Variants in KALRN observed in about 807,000 individuals in gnomAD.
KALRN encodes the protein kalirin RhoGEF kinase, also known as kalirin.
Under a neutral mutation model 353.7 loss-of-function variants are expected in KALRN, and 70 were observed. That is an observed-to-expected ratio of 0.20 (90% CI 0.16 to 0.24). KALRN has a LOEUF of 0.24. Among genes scored for constraint, KALRN ranks in the 10% least tolerant of loss-of-function variants. The pLI, the probability that KALRN is intolerant of heterozygous loss-of-function variation, is 1.00. For missense variants in KALRN, 2,791 were observed against 3,756.7 expected (o/e 0.74, Z 6.72); for synonymous variants, 1,391 against 1,434.8 (o/e 0.97, Z 0.69).
intron 1 of KALRN, among the ~76,000 whole-genome samples, chr3:124,214,670 C>G (rs546588985): frequency 1.3e-5 from 2 of 152,134 alleles, no homozygotes; most frequent in Non-Finnish European, 2.9e-5. Context: ...TCTAAGCAAC[C>G]TGGGGACATT....
chr3:124,693,016 TC>T (rs2061892416), intron 51 of KALRN, among the ~76,000 whole-genome samples: 1 of 152,200 alleles, frequency 6.6e-6, no homozygotes, highest in African/African-American at 2.4e-5. Flanking sequence ...CTCCAGGGTG[TC>T]CTGAGGCAGG....
intron 51 of KALRN, among the ~76,000 whole-genome samples, chr3:124,681,539 G>A (rs2150483170): frequency 6.6e-6 from 1 of 152,160 alleles, no homozygotes; most frequent in African/African-American, 2.4e-5. Flanking sequence ...ACCTCAAGGA[G>A]GCATGTTGTT....
chr3:124,186,888 G>A (rs746540840), intron 1 of KALRN, among the ~76,000 whole-genome samples: 1 of 152,118 alleles, frequency 6.6e-6, no homozygotes, highest in African/African-American at 2.4e-5. Flanking sequence ...CAGGGGTGAT[G>A]GGACACTTGT....
chr3:124,140,307 T>G (rs1186686210), intron 1 of KALRN, among the ~76,000 whole-genome samples: 2 of 152,228 alleles, frequency 1.3e-5, no homozygotes, highest in Non-Finnish European at 2.9e-5. Context: ...CAGGAGAATG[T>G]GTAGTTTAAA....
rs553090469 is a variant in KALRN, at chr3:124,621,399, TA to T, written c.5183-11018del. On this transcript the variant is annotated intron_variant, in intron 34 of 59. Coordinates refer to ENST00000682506, the MANE Select transcript of KALRN (RefSeq NM_001388419.1). ...GGTAAGGTAAAGGATGTTGAGTTGG[TA>T]AAGGATGCATTGGAAAAGAGACTCC... 5.3e-5 allele frequency among the ~76,000 whole-genome samples: 8 copies of T among 152,264 alleles called. No individual in the cohort carries two copies. The East Asian group carries it at 1.5e-3, about 29-fold the overall frequency.
intron 14 of KALRN, among the ~76,000 whole-genome samples, chr3:124,417,701 A>G (rs1051129868): frequency 6.6e-6 from 1 of 152,210 alleles, no homozygotes; most frequent in Admixed American, 6.5e-5. Flanking sequence ...TCCCGGCCAC[A>G]TGTCTTAGGA....
chr3:124,216,589 C>G (rs1201131197), intron 1 of KALRN, among the ~76,000 whole-genome samples: 2 of 152,192 alleles, frequency 1.3e-5, no homozygotes, highest in African/African-American at 4.8e-5. Context: ...AAAAGTATAA[C>G]TTAGTCTGTC....
chr3:124,101,454 G>A (rs1406014190), intron 1 of KALRN, among the ~76,000 whole-genome samples: 1 of 152,140 alleles, frequency 6.6e-6, no homozygotes, highest in Non-Finnish European at 1.5e-5. Flanking sequence ...AGGCTTCATG[G>A]TGTTGGGCTC....
chr3:124,060,125 C>T (rs1400562587), intron 1 of KALRN, among the ~76,000 whole-genome samples: 2 of 152,138 alleles, frequency 1.3e-5, no homozygotes, highest in East Asian at 1.9e-4. Context: ...CCACTGGCTT[C>T]GCTGACCATT....
At chr3:124,443,461 A>C (rs958842395) in intron 19 of KALRN, among the ~76,000 whole-genome samples, 5 of 152,218 alleles carry the variant, frequency 3.3e-5, no homozygotes, top group African/African-American at 1.2e-4. Flanking sequence ...AGACCACTGG[A>C]AAGAATGGAA....
intron 34 of KALRN, among the ~76,000 whole-genome samples, chr3:124,564,483 C>G (rs2072535568): frequency 3.3e-5 from 5 of 151,822 alleles, no homozygotes; most frequent in Admixed American, 1.3e-4. Flanking sequence ...TGAGACCAGA[C>G]TGGGCAACAT....
rs1354462535 is a variant in KALRN, at chr3:124,368,072, C to CAT, written c.1771-16773_1771-16772insAT. On this transcript the variant is annotated intron_variant, in intron 10 of 59. Coordinates refer to ENST00000682506, the MANE Select transcript of KALRN (RefSeq NM_001388419.1). ...CCCCCCACCTCCCTCCCGGACGGGGCGGCTGGCCAGGCGGGGGGCTGACCC... is the reference window on the plus strand; with the variant it reads ...CCCCCCACCTCCCTCCCGGACGGGGCATGGCTGGCCAGGCGGGGGGCTGACCC... Among the ~76,000 whole-genome samples, 8 of 50,060 alleles carry CAT rather than the reference C, an allele frequency of 1.6e-4. 1 individual carries two copies. Among genetic ancestry groups the CAT allele is most frequent in the African/African-American group, 3.5e-4 (4 of 11,402 alleles). 32.8% of individuals were successfully genotyped at this position (50,060 alleles called of 152,430 possible). A position where few individuals can be genotyped will look rare whatever the true frequency, so the allele number is the denominator to read the frequency against.
chr3:124,542,930 G>A (rs2069193177), intron 33 of KALRN, among the ~76,000 whole-genome samples: 1 of 152,196 alleles, frequency 6.6e-6, no homozygotes, highest in South Asian at 2.1e-4. Context: ...TTCTTGTGAG[G>A]CGGTAGTCAA....
chr3:124,127,576 TTA>T (rs919189801), intron 1 of KALRN, among the ~76,000 whole-genome samples: 3 of 152,216 alleles, frequency 2.0e-5, no homozygotes, highest in Non-Finnish European at 4.4e-5. Flanking sequence ...GAATGAGATC[TTA>T]GAGTCCATTT....
At chr3:124,392,302 T>A (rs2089510981) in intron 11 of KALRN, among the ~76,000 whole-genome samples, 1 of 152,168 alleles carries the variant, frequency 6.6e-6, no homozygotes, top group Non-Finnish European at 1.5e-5. Flanking sequence ...AATGTAATAA[T>A]ATGTAGCACT....
At chr3:124,546,290 C>CAA (rs5852410) in intron 33 of KALRN, among the ~76,000 whole-genome samples, 70 of 114,606 alleles carry the variant, frequency 6.1e-4, no homozygotes, top group African/African-American at 1.9e-3. Context: ...CCCCATCTCT[C>CAA]AAAAAAAAAA....
chr3:124,226,987 G>A (rs1377712013), intron 1 of KALRN, among the ~76,000 whole-genome samples: 1 of 152,190 alleles, frequency 6.6e-6, no homozygotes, highest in Non-Finnish European at 1.5e-5. Flanking sequence ...TCGAATCGCT[G>A]TAAGTGTGGG....
chr3:124,635,743 T>C (rs535981806), intron 36 of KALRN, among the ~76,000 whole-genome samples: 31 of 152,216 alleles, frequency 2.0e-4, no homozygotes, highest in Non-Finnish European at 1.0e-4. Flanking sequence ...AATTATAATA[T>C]GCATATGTTG....
intron 1 of KALRN, among the ~76,000 whole-genome samples, chr3:124,113,659 C>T (rs2063200110): frequency 6.6e-6 from 1 of 152,200 alleles, no homozygotes; most frequent in South Asian, 2.1e-4. Flanking sequence ...CGCCTCCTCA[C>T]CTGGAGACTA....
Sources: gnomAD v4.1 joint callset for allele counts (sites outside exome capture counted in the v4.1 genomes callset) on GRCh38, gnomAD v4.1.1 for gene constraint, MANE v1.5 for transcripts, NCBI Gene and HGNC (gene_info 2026-07-23, HGNC 2026-07-21) for gene names.